BCAS3: variants seen among roughly 807,000 people sequenced by gnomAD.
The protein encoded by BCAS3 is BCAS4/BCAS3 fusion.
Under a neutral mutation model 116.1 loss-of-function variants are expected in BCAS3, and 53 were observed. That is an observed-to-expected ratio of 0.46 (90% confidence interval 0.37 to 0.57). The LOEUF is 0.57. BCAS3 is among the 20% of genes least tolerant of loss of function. The probability of loss-of-function intolerance (pLI) is 0.00; values close to 1 mark genes in which losing one functional copy is unlikely to be tolerated. For missense variants in BCAS3, 917 were observed against 1,165.4 expected, an observed-to-expected ratio of 0.79 and a Z score of 3.10; for synonymous variants, 391 against 408.2, an observed-to-expected ratio of 0.96 and a Z score of 0.51.
At chr17:60,936,451 TTGAA>T in intron 13 of BCAS3, among the ~76,000 whole-genome samples, 1 of 152,248 alleles carries the variant, frequency 6.6e-6, no homozygotes, top group African/African-American at 2.4e-5. Context: ...TCCACAATGG[TTGAA>T]CTAGTTTACA....
Position 61,220,597 on chromosome 17 carries a change from A to G in BCAS3, c.2425+136033A>G, listed in dbSNP as rs1418330615. Among the ~76,000 whole-genome samples, 1 of 152,188 alleles carries G rather than the reference A, an allele frequency of 6.6e-6. No individual in the cohort carries two copies. The highest frequency in any genetic ancestry group is 1.5e-5 in the Non-Finnish European group (1 of 68,034). On this transcript the variant is annotated intron_variant, in intron 22 of 23. Transcript: ENST00000407086. This position sits in a 1 kb window ranked among gnomAD's most constrained non-coding sequence, Gnocchi z 4.5. ...AACAATGAGGTAGTTCAGTGAGGTA[A>G]TACAATGACACTACATTGATTTCCC...
At chr17:61,149,344 A>C (rs2077419025) in intron 22 of BCAS3, among the ~76,000 whole-genome samples, 1 of 152,184 alleles carries the variant, frequency 6.6e-6, no homozygotes, top group Non-Finnish European at 1.5e-5. Flanking sequence ...CTTAGGCAAG[A>C]AGATTATTCG....
chr17:60,743,166 C>A (rs1380239177), intron 5 of BCAS3, among the ~76,000 whole-genome samples: 1 of 151,068 alleles, frequency 6.6e-6, no homozygotes, highest in Admixed American at 6.6e-5. Context: ...ATCTATATAG[C>A]AATACATATA....
intron 3 of BCAS3, among the ~76,000 whole-genome samples, chr17:60,686,840 A>G (rs2034130395): frequency 6.6e-6 from 1 of 152,304 alleles, no homozygotes; most frequent in South Asian, 2.1e-4. Flanking sequence ...ATTTATTTTA[A>G]AAAATAATTC....
chr17:61,159,577 G>C (rs943303316), intron 22 of BCAS3: 2 of 152,188 alleles, frequency 1.3e-5, no homozygotes, highest in African/African-American at 4.8e-5. Context: ...TGAGGAGGTG[G>C]GAGAACTATG....
At chr17:61,386,617 C>T (rs763437849) in intron 23 of BCAS3, among the ~76,000 whole-genome samples, 1 of 152,172 alleles carries the variant, frequency 6.6e-6, no homozygotes, top group South Asian at 2.1e-4. Context: ...ACAAACAGAG[C>T]ACTGTCCTCC....
rs890508860 is a variant in BCAS3 at position 61,337,923 on chromosome 17, C to T, written c.2426-30404C>T. ...GAAACCAAGGCTCGGTGAGGTAAAG[C>T]GCTTCATCCAGTACCCCACAGCTCT... On this transcript the variant is annotated intron_variant, in intron 22 of 23. Transcript: ENST00000407086. This position sits in a 1 kb window ranked among gnomAD's most constrained non-coding sequence, Gnocchi z 4.8. Among the ~76,000 whole-genome samples the T allele has an allele frequency of 2.6e-5, 4 of 152,192 alleles. No homozygotes were observed. Among genetic ancestry groups the T allele is most frequent in the South Asian group, 2.1e-4 (1 of 4,828 alleles).
At chr17:61,062,434 G>A (rs1433212010) in intron 19 of BCAS3, among the ~76,000 whole-genome samples, 2 of 152,038 alleles carry the variant, frequency 1.3e-5, no homozygotes, top group African/African-American at 2.4e-5. Flanking sequence ...TATAAGCAAG[G>A]TACTTTATAG....
intron 13 of BCAS3, among the ~76,000 whole-genome samples, chr17:60,941,863 T>C (rs1196832184): frequency 6.6e-6 from 1 of 152,226 alleles, no homozygotes; most frequent in Non-Finnish European, 1.5e-5. Context: ...TCATTCTACA[T>C]AAAATGGTAT....
intron 22 of BCAS3, among the ~76,000 whole-genome samples, chr17:61,254,111 AACTC>A (rs2048579237): frequency 2.0e-5 from 3 of 152,144 alleles, no homozygotes; most frequent in Admixed American, 2.0e-4. Context: ...CCGAGGAAAA[AACTC>A]AAGAGAGCCG....
At chr17:61,234,888 C>CTTAT (rs34227181) in intron 22 of BCAS3, among the ~76,000 whole-genome samples, 91,069 of 150,938 alleles carry the variant, frequency 0.6, 31,957 homozygotes, top group East Asian at 0.94. Context: ...TATTTATTTA[C>CTTAT]TTATTTATTT....
rs2082270219 is a variant in BCAS3, at chr17:61,224,404, T to C, written c.2425+139840T>C. ...GTATCATTCAAGCTGAGTTTTGTTA[T>C]ATGGAAATAAGAAAGGAAAGTCATC... On this transcript the variant is annotated intron_variant, in intron 22 of 23. Transcript: ENST00000407086. The surrounding 1 kb of genome is among the most constrained non-coding windows in gnomAD (Gnocchi z 5.7). Among the ~76,000 whole-genome samples the C allele has an allele frequency of 6.6e-6, 1 of 152,178 alleles. No individual in the cohort carries two copies. Among genetic ancestry groups the C allele is most frequent in the Non-Finnish European group, 1.5e-5 (1 of 68,036 alleles).
chr17:61,375,428 C>A (rs1046312842), intron 23 of BCAS3, among the ~76,000 whole-genome samples: 4 of 152,048 alleles, frequency 2.6e-5, no homozygotes, highest in Admixed American at 1.3e-4. Flanking sequence ...GGAACTCCTG[C>A]CTGGGTCAGT....
intron 13 of BCAS3, among the ~76,000 whole-genome samples, chr17:60,943,719 A>G (rs2060339712): frequency 6.6e-6 from 1 of 152,144 alleles, no homozygotes; most frequent in African/African-American, 2.4e-5. Flanking sequence ...AATATATTCT[A>G]GGTGTTCAAG....
intron 22 of BCAS3, among the ~76,000 whole-genome samples, chr17:61,218,321 G>A (rs571535692): frequency 6.6e-6 from 1 of 152,238 alleles, no homozygotes; most frequent in South Asian, 2.1e-4. Flanking sequence ...ATTCTCCTAA[G>A]ATTGTTGGGC....
chr17:60,731,851 T>C (rs2040486657), intron 5 of BCAS3, among the ~76,000 whole-genome samples: 1 of 151,038 alleles, frequency 6.6e-6, no homozygotes, highest in Non-Finnish European at 1.5e-5. Flanking sequence ...TGATCTCGGC[T>C]CACTGCAACC....
intron 2 of BCAS3, among the ~76,000 whole-genome samples, chr17:60,682,924 T>A (rs1441960960): frequency 6.6e-6 from 1 of 152,176 alleles, no homozygotes; most frequent in South Asian, 2.1e-4. Flanking sequence ...TTAACAGTGT[T>A]ATTTTTTTCC....
chr17:61,089,100 GA>G (rs1434829887), intron 22 of BCAS3, among the ~76,000 whole-genome samples: 1 of 152,132 alleles, frequency 6.6e-6, no homozygotes, highest in Non-Finnish European at 1.5e-5. Context: ...TGACTCAAGA[GA>G]AATACTACTT....
intron 4 of BCAS3, among the ~76,000 whole-genome samples, chr17:60,699,770 T>TA: frequency 6.7e-6 from 1 of 148,238 alleles, no homozygotes; most frequent in Admixed American, 6.9e-5. Context: ...ATTGGTGTTT[T>TA]AAAAAGAGCA....
Sources: allele counts gnomAD v4.1 joint callset (sites outside exome capture counted in the v4.1 genomes callset), GRCh38; gene constraint gnomAD v4.1.1; non-coding constraint Gnocchi (gnomAD v3.1); transcripts MANE v1.5; gene names NCBI Gene and HGNC (gene_info 2026-07-23, HGNC 2026-07-21).